Variants in GRIP1 observed in about 807,000 individuals in gnomAD.
GRIP1 encodes glutamate receptor-interacting protein 1.
A neutral mutation model predicts 129.9 loss-of-function variants in GRIP1; 45 were observed. The ratio of observed to expected loss-of-function variants is 0.35; its 90% CI spans 0.27 to 0.44. The LOEUF (loss-of-function observed/expected upper bound fraction) is 0.44, where lower values mean the gene tolerates loss of function less well. Among genes scored for constraint, GRIP1 ranks in the 20% least tolerant of loss-of-function variants. The pLI, the probability that GRIP1 is intolerant of heterozygous loss-of-function variation, is 1.00. For synonymous variants in GRIP1, 530 were observed against 520.8 expected, an observed-to-expected ratio of 1.02 and a Z score of -0.24; for missense variants, 1,196 against 1,396.8, an observed-to-expected ratio of 0.86 and a Z score of 2.29.
At chr12:66,421,414 C>G (rs562475740) in intron 14 of GRIP1, among the ~76,000 whole-genome samples, 14 of 152,204 alleles carry the variant, frequency 9.2e-5, no homozygotes, top group African/African-American at 2.6e-4. Context: ...CATGGTGGCA[C>G]ATGCCTGTAG....
intron 1 of GRIP1, among the ~76,000 whole-genome samples, chr12:66,884,855 C>T (rs1419766736): frequency 2.0e-5 from 3 of 152,112 alleles, no homozygotes; most frequent in African/African-American, 4.8e-5. Context: ...TCTCAAAATT[C>T]TCCACTCTTT....
intron 1 of GRIP1, among the ~76,000 whole-genome samples, chr12:66,715,477 A>G (rs139378827): frequency 1.1e-5 from 1 of 89,690 alleles, no homozygotes; most frequent in Non-Finnish European, 2.3e-5. Flanking sequence ...TGTGTGAGAG[A>G]GAGAGAGAGA....
At chr12:66,589,212 C>CTG (rs1452766168) in intron 2 of GRIP1, among the ~76,000 whole-genome samples, 1 of 145,014 alleles carries the variant, frequency 6.9e-6, no homozygotes, top group East Asian at 2.1e-4. Flanking sequence ...CTCTCTCTCT[C>CTG]TCTCTCTCTC....
chr12:66,462,981 T>G lies in GRIP1; in HGVS notation c.985A>C (p.Lys329Gln). ...QFLANTTDQV[K>Q]LEILPHHQTR... ...TGATGATGGGGAAGGATCTCAAGCT[T>G]GACCTGGTCAGTGGTGTTGGCCAGG... is the stretch of plus-strand genomic sequence containing the variant. Residue 329 changes from lysine (K) to glutamine (Q), a missense_variant, in exon 9 of 25, where the codon AAG (lysine) becomes CAG (glutamine). Coordinates refer to ENST00000359742, the MANE Select transcript of GRIP1 (RefSeq NM_001366722.1). 1 of 1,613,996 alleles carries G rather than the reference T, an allele frequency of 6.2e-7. No individual in the cohort carries two copies. Among genetic ancestry groups the G allele is most frequent in the Non-Finnish European group, 8.5e-7 (1 of 1,179,976 alleles).
chr12:66,463,929 T>G (rs1193192804), intron 8 of GRIP1, among the ~76,000 whole-genome samples: 2 of 152,164 alleles, frequency 1.3e-5, no homozygotes, highest in African/African-American at 4.8e-5. Flanking sequence ...GCCATTGAAC[T>G]GCACAACACC....
intron 1 of GRIP1, among the ~76,000 whole-genome samples, chr12:66,896,639 T>A (rs1220565007): frequency 6.6e-6 from 1 of 152,130 alleles, no homozygotes; most frequent in Non-Finnish European, 1.5e-5. Context: ...GAGATGTGGT[T>A]GTGGTATAAG....
At chr12:66,534,568 G>A (rs2061553311) in intron 4 of GRIP1, among the ~76,000 whole-genome samples, 1 of 151,978 alleles carries the variant, frequency 6.6e-6, no homozygotes, top group Non-Finnish European at 1.5e-5. Flanking sequence ...ATTCTCATTT[G>A]GTCCTCGTGT....
intron 1 of GRIP1, among the ~76,000 whole-genome samples, chr12:66,782,138 T>G (rs540417360): frequency 2.5e-4 from 38 of 152,274 alleles, no homozygotes; most frequent in African/African-American, 8.7e-4. Flanking sequence ...ATGGTTATGT[T>G]CACTTCTTAA....
chr12:66,692,285 C>G (rs2035007581), intron 1 of GRIP1, among the ~76,000 whole-genome samples: 1 of 152,206 alleles, frequency 6.6e-6, no homozygotes, highest in Non-Finnish European at 1.5e-5. Context: ...TCACTTATTT[C>G]AGGAGTTCCA....
intron 5 of GRIP1, among the ~76,000 whole-genome samples, chr12:66,529,591 A>G (rs1328349273): frequency 6.6e-6 from 1 of 152,216 alleles, no homozygotes; most frequent in East Asian, 1.9e-4. Flanking sequence ...AGCTATGAGA[A>G]TGCAAAGGCA....
At chr12:67,068,056 C>T (rs2135913162) in intron 1 of GRIP1, among the ~76,000 whole-genome samples, 1 of 152,278 alleles carries the variant, frequency 6.6e-6, no homozygotes, top group African/African-American at 2.4e-5. Context: ...CCTCTGGATG[C>T]TAGCAGAGCC....
At position 66,534,496 on chromosome 12, in the gene GRIP1, C is replaced by T. The variant is rs370335247; in HGVS notation, c.418+4582G>A. Among the ~76,000 whole-genome samples the T allele has an allele frequency of 1.4e-4, 22 of 152,294 alleles. No homozygotes were observed. The South Asian group carries it at 2.1e-3, about 14-fold the overall frequency. On this transcript the variant is annotated intron_variant, in intron 4 of 24. Transcript: ENST00000359742. ...GCTGTTCTCCTTTAAGGGCTCCTCA[C>T]GGCCCACTGGATGCCAAGCTCCAAC...
At chr12:66,650,711 G>A (rs2032732224) in intron 1 of GRIP1, among the ~76,000 whole-genome samples, 1 of 152,180 alleles carries the variant, frequency 6.6e-6, no homozygotes, top group Non-Finnish European at 1.5e-5. Context: ...GAAATACATA[G>A]AGCATAGGAC....
chr12:66,592,971 T>C (rs1001903724), intron 2 of GRIP1, among the ~76,000 whole-genome samples: 5 of 152,126 alleles, frequency 3.3e-5, no homozygotes, highest in Non-Finnish European at 2.9e-5. Context: ...TGGGGAGAAA[T>C]GAAATTGAAA....
Position 66,934,381 on chromosome 12 carries a change from G to A in GRIP1, c.58+134669C>T, listed in dbSNP as rs74098153. ...CTGACCCAGTATCTCTACTCCCTGG[G>A]GTTCGTTTAAGTTCTCTTCTGTGCT... On this transcript the variant is annotated intron_variant, in intron 1 of 1. Transcript: ENST00000643019. Among the ~76,000 whole-genome samples, 472 of 152,108 alleles carry A rather than the reference G, an allele frequency of 3.1e-3. 4 individuals carry two copies. Among genetic ancestry groups the A allele is most frequent in the African/African-American group, 0.01 (432 of 41,480 alleles).
At chr12:66,770,828 G>T (rs2037794204) in intron 1 of GRIP1, among the ~76,000 whole-genome samples, 1 of 152,182 alleles carries the variant, frequency 6.6e-6, no homozygotes, top group Admixed American at 6.5e-5. Flanking sequence ...GGGTGCAGTG[G>T]CTCATGCCTA....
rs142655318 is a variant in GRIP1 at position 66,532,439 on chromosome 12, T to C, written c.419-2525A>G. Among the ~76,000 whole-genome samples, 165 of 152,334 alleles carry C rather than the reference T, an allele frequency of 1.1e-3. 1 individual carries two copies. The East Asian group carries it at 0.029, about 27-fold the overall frequency. On this transcript the variant is annotated intron_variant, in intron 4 of 24. Coordinates refer to ENST00000359742, the MANE Select transcript of GRIP1 (RefSeq NM_001366722.1). Reference sequence around the variant, plus strand: ...CCTTCTTTCTACATGTGGATATTCATGTACTTCTACACAGTTATTTTCCTA... The same window carrying C: ...CCTTCTTTCTACATGTGGATATTCACGTACTTCTACACAGTTATTTTCCTA...
intron 1 of GRIP1, among the ~76,000 whole-genome samples, chr12:66,827,591 G>A (rs572398299): frequency 1.2e-4 from 18 of 152,164 alleles, no homozygotes; most frequent in Non-Finnish European, 2.6e-4. Flanking sequence ...ATCACACAAG[G>A]GCATGAATGC....
At chr12:66,484,573 G>A (rs759820160) in intron 7 of GRIP1, among the ~76,000 whole-genome samples, 2 of 152,158 alleles carry the variant, frequency 1.3e-5, no homozygotes, top group Non-Finnish European at 2.9e-5. Context: ...AGTATGCCAC[G>A]CACAGAAAGA....
Sources: allele counts gnomAD v4.1 joint callset (sites outside exome capture counted in the v4.1 genomes callset), GRCh38; gene constraint gnomAD v4.1.1; transcripts MANE v1.5; gene names NCBI Gene and HGNC (gene_info 2026-07-23, HGNC 2026-07-21).